The following IFT88 variants were observed in gnomAD, a reference collection of about 807,000 sequenced individuals.
IFT88 encodes the protein intraflagellar transport protein 88 homolog.
A neutral mutation model predicts 119.5 loss-of-function variants in IFT88; 74 were observed. The ratio of observed to expected loss-of-function variants is 0.62; its 90% CI spans 0.51 to 0.75. The LOEUF is 0.75. Ranked by LOEUF, IFT88 falls within the 30% of genes least tolerant of loss-of-function variation. IFT88 has a pLI of 0.00. For missense variants in IFT88, 961 were observed against 977.7 expected, an observed-to-expected ratio of 0.98 and a Z score of 0.23; for synonymous variants, 279 against 316.7, an observed-to-expected ratio of 0.88 and a Z score of 1.26.
At chr13:20,586,829 TAAC>T (rs1322308614) in intron 3 of IFT88, among the ~76,000 whole-genome samples, 1 of 152,216 alleles carries the variant, frequency 6.6e-6, no homozygotes. Flanking sequence ...AAAGTTCACC[TAAC>T]AACTTTATAT....
At chr13:20,651,494 C>T (rs2051689721) in intron 20 of IFT88, among the ~76,000 whole-genome samples, 1 of 149,514 alleles carries the variant, frequency 6.7e-6, no homozygotes, top group Non-Finnish European at 1.5e-5. Flanking sequence ...AAAGTAGCCT[C>T]AGCATTATTT....
intron 7 of IFT88, among the ~76,000 whole-genome samples, chr13:20,595,705 T>C (rs1236823278): frequency 6.6e-6 from 1 of 152,216 alleles, no homozygotes; most frequent in Non-Finnish European, 1.5e-5. Flanking sequence ...TTGTCTTATC[T>C]ATAACTATTC....
At chr13:20,618,775 T>G (rs1384258999) in intron 14 of IFT88, among the ~76,000 whole-genome samples, 1 of 152,192 alleles carries the variant, frequency 6.6e-6, no homozygotes, top group African/African-American at 2.4e-5. Flanking sequence ...TCTGCAATTA[T>G]TTGCAATTTT....
chr13:20,685,960 TG>T (rs1745413389), intron 24 of IFT88, among the ~76,000 whole-genome samples: 1 of 152,246 alleles, frequency 6.6e-6, no homozygotes, highest in African/African-American at 2.4e-5. Context: ...ACACACATAT[TG>T]ATCACATTAT....
At chr13:20,615,726 A>G in intron 13 of IFT88, 67 bp from the exon 14 acceptor site, 2 of 861,716 alleles carry the variant, frequency 2.3e-6, no homozygotes, top group Non-Finnish European at 3.6e-6. Context: ...TTACACTTAA[A>G]TTTTAGGAAA....
chr13:20,602,918 C>G (rs1480533043), intron 12 of IFT88, among the ~76,000 whole-genome samples: 1 of 151,786 alleles, frequency 6.6e-6, no homozygotes, highest in Non-Finnish European at 1.5e-5. Flanking sequence ...CTTATCCTTA[C>G]TCATAGAGTG....
At chr13:20,667,265 G>A (rs1255665848) in intron 23 of IFT88, among the ~76,000 whole-genome samples, 4 of 152,176 alleles carry the variant, frequency 2.6e-5, no homozygotes, top group Non-Finnish European at 5.9e-5. Context: ...TCTGAAAAGT[G>A]TGTCTCCTAC....
At chr13:20,580,724 C>CTT (rs1162699940) in intron 2 of IFT88, among the ~76,000 whole-genome samples, 148 of 122,706 alleles carry the variant, frequency 1.2e-3, no homozygotes, top group Non-Finnish European at 1.6e-3. Flanking sequence ...TTTCTTTTTT[C>CTT]TTTTTTTTTT....
chr13:20,691,176 T>C lies in IFT88; in HGVS notation c.*1T>C. On this transcript the variant is annotated 3_prime_UTR_variant, in exon 26 of 26. Transcript: ENST00000351808. The stretch of plus-strand genomic sequence containing the variant: ...AGGAGATGATTTGCTTCCAGAATAA[T>C]ATTCACTTTAATATTTATTAAAGGA... The C allele has an allele frequency of 6.2e-7, 1 of 1,611,416 alleles. No individual in the cohort carries two copies. Among genetic ancestry groups the C allele is most frequent in the East Asian group, 2.2e-5 (1 of 44,850 alleles).
intron 14 of IFT88, among the ~76,000 whole-genome samples, chr13:20,619,112 T>TC (rs974125429): frequency 6.6e-6 from 1 of 152,166 alleles, no homozygotes; most frequent in Non-Finnish European, 1.5e-5. Context: ...TGCCTCGGCC[T>TC]CCCAAAGTGC....
intron 18 of IFT88, 181 bp downstream of exon 18, chr13:20,641,579 T>A: frequency 2.2e-6 from 1 of 454,414 alleles, no homozygotes; most frequent in Non-Finnish European, 3.9e-6. Flanking sequence ...TATTTTAAGA[T>A]GTAGTTTGCA....
At chr13:20,631,687 A>G (rs1375089345) in intron 16 of IFT88, 1 of 152,442 alleles carries the variant, frequency 6.6e-6, no homozygotes, top group African/African-American at 2.4e-5. Context: ...AAGATTTCAT[A>G]GAGAGTTGGA....
intron 24 of IFT88, among the ~76,000 whole-genome samples, chr13:20,677,233 C>T (rs2056778769): frequency 6.6e-6 from 1 of 152,084 alleles, no homozygotes. Flanking sequence ...TTCATTTTTA[C>T]AATTTTAATA....
intron 13 of IFT88, chr13:20,607,203 C>T (rs1284262576): frequency 1.3e-5 from 5 of 398,836 alleles, no homozygotes; most frequent in Admixed American, 6.7e-5. Flanking sequence ...TTGCCCCCTG[C>T]ACCGCCCATC....
At chr13:20,594,688 T>G (rs2041328374) in intron 7 of IFT88, among the ~76,000 whole-genome samples, 1 of 152,218 alleles carries the variant, frequency 6.6e-6, no homozygotes, top group Non-Finnish European at 1.5e-5. Flanking sequence ...TTCAAGTGTT[T>G]CAGACAACTA....
chr13:20,569,204 A>G (rs1458072413), intron 1 of IFT88, among the ~76,000 whole-genome samples: 1 of 152,148 alleles, frequency 6.6e-6, no homozygotes, highest in Non-Finnish European at 1.5e-5. Context: ...TTGACCTTAG[A>G]TTAGGCAGTT....
chr13:20,570,503 A>G (rs1279412419), intron 1 of IFT88, among the ~76,000 whole-genome samples: 2 of 152,250 alleles, frequency 1.3e-5, no homozygotes, highest in African/African-American at 4.8e-5. Flanking sequence ...TGGATAAGCA[A>G]AATGTTGCAG....
intron 2 of IFT88, among the ~76,000 whole-genome samples, chr13:20,580,880 C>A (rs566868590): frequency 6.6e-6 from 1 of 152,072 alleles, no homozygotes; most frequent in South Asian, 2.1e-4. Context: ...CGCCCGCCAC[C>A]ACGCCTGGCT....
chr13:20,684,284 C>T (rs1343525244), intron 24 of IFT88, among the ~76,000 whole-genome samples: 1 of 152,122 alleles, frequency 6.6e-6, no homozygotes, highest in Non-Finnish European at 1.5e-5. Flanking sequence ...ACTTTTTGCC[C>T]AGTGTCCTCT....
Sources: gnomAD v4.1 joint callset for allele counts (sites outside exome capture counted in the v4.1 genomes callset) on GRCh38, gnomAD v4.1.1 for gene constraint, MANE v1.5 for transcripts, NCBI Gene and HGNC (gene_info 2026-07-23, HGNC 2026-07-21) for gene names.